Variants in NAALADL2 observed in about 807,000 individuals in gnomAD.
The protein encoded by NAALADL2 is N-acetylated alpha-linked acidic dipeptidase like 2.
NAALADL2 carries 76 observed loss-of-function variants against 87.2 expected under a neutral mutation model. That is an observed-to-expected ratio of 0.87 (90% CI 0.72 to 1.05). NAALADL2 has a LOEUF of 1.05. NAALADL2 is among the 50% of genes least tolerant of loss of function. NAALADL2 has a pLI of 0.00. For synonymous variants in NAALADL2, 354 were observed against 331.0 expected (o/e 1.07, Z -0.75); for missense variants, 1,089 against 945.8 (o/e 1.15, Z -1.99).
intron 13 of NAALADL2, among the ~76,000 whole-genome samples, chr3:175,780,376 A>AGTAT (rs1750882675): frequency 6.6e-6 from 1 of 152,138 alleles, no homozygotes; most frequent in Admixed American, 6.5e-5. Context: ...ACACACAAAC[A>AGTAT]GTATGTGTAT....
chr3:174,468,506 A>T (rs1577973153), intron 1 of NAALADL2, among the ~76,000 whole-genome samples: 1 of 148,946 alleles, frequency 6.7e-6, no homozygotes, highest in East Asian at 2.0e-4. Flanking sequence ...CCAGCCTCCC[A>T]AGTAGCTGGG....
At chr3:174,992,910 G>A (rs6806492) in intron 1 of NAALADL2, among the ~76,000 whole-genome samples, 39,133 of 151,956 alleles carry the variant, frequency 0.26, 6,070 homozygotes, top group African/African-American at 0.43. Context: ...TAGAGAAGCA[G>A]TAAATGAACC....
intron 3 of NAALADL2, among the ~76,000 whole-genome samples, chr3:174,826,015 G>A (rs1268132969): frequency 6.6e-6 from 1 of 150,700 alleles, no homozygotes; most frequent in Non-Finnish European, 1.5e-5. Context: ...CAGACAGAGC[G>A]AGACTCCATC....
At chr3:174,472,445 G>C (rs1177707715) in intron 1 of NAALADL2, among the ~76,000 whole-genome samples, 1 of 152,196 alleles carries the variant, frequency 6.6e-6, no homozygotes, top group South Asian at 2.1e-4. Context: ...ATGAGTGTGA[G>C]TGTATGTGTG....
chr3:175,364,618 C>T (rs909277794), intron 5 of NAALADL2, among the ~76,000 whole-genome samples: 1 of 147,768 alleles, frequency 6.8e-6, no homozygotes, highest in African/African-American at 2.5e-5. Context: ...GAGACCCAAG[C>T]TTGATGTTCC....
At chr3:175,182,707 T>C (rs928516731) in intron 2 of NAALADL2, among the ~76,000 whole-genome samples, 21 of 151,758 alleles carry the variant, frequency 1.4e-4, no homozygotes, top group African/African-American at 4.8e-4. Context: ...AAAGGGTTTT[T>C]TGTGTTTGTT....
intron 10 of NAALADL2, among the ~76,000 whole-genome samples, chr3:175,619,425 C>T (rs936758652): frequency 1.3e-5 from 2 of 151,048 alleles, no homozygotes; most frequent in Non-Finnish European, 2.9e-5. Flanking sequence ...GCATAGAAAA[C>T]CTTCTTCTAG....
At chr3:174,668,216 A>G (rs1043409724) in intron 2 of NAALADL2, among the ~76,000 whole-genome samples, 2 of 151,942 alleles carry the variant, frequency 1.3e-5, no homozygotes, top group African/African-American at 4.8e-5. Context: ...TACTTTTTGT[A>G]GTTGTTGAGT....
At chr3:174,579,752 T>C (rs1256197682) in intron 2 of NAALADL2, among the ~76,000 whole-genome samples, 2 of 152,198 alleles carry the variant, frequency 1.3e-5, no homozygotes, top group South Asian at 2.1e-4. Context: ...AGCACCCTTC[T>C]AGATATGGCA....
rs1379957433 is a variant in NAALADL2 at position 174,493,839 on chromosome 3, C to T, written c.-184+52807C>T. 2.0e-5 allele frequency among the ~76,000 whole-genome samples: 3 copies of T among 152,062 alleles called. No individual in the cohort carries two copies. The East Asian group carries it at 5.8e-4, about 29-fold the overall frequency. On this transcript the variant is annotated intron_variant, in intron 1 of 3. Transcript: ENST00000434257. ...AAATAAATTTAATGTAGTCTATGCCCTTGAAGAGATCAGATTCTAATGATA... is the reference window on the plus strand; with the variant it reads ...AAATAAATTTAATGTAGTCTATGCCTTTGAAGAGATCAGATTCTAATGATA...
chr3:175,275,964 C>T (rs1456956189), intron 4 of NAALADL2, among the ~76,000 whole-genome samples: 2 of 151,478 alleles, frequency 1.3e-5, no homozygotes, highest in Non-Finnish European at 1.5e-5. Context: ...CACCATGGCA[C>T]TTTCATCATA....
chr3:175,151,120 T>G (rs1014364002), intron 2 of NAALADL2, among the ~76,000 whole-genome samples: 3 of 152,220 alleles, frequency 2.0e-5, no homozygotes, highest in African/African-American at 7.2e-5. Context: ...ACTCCACCCA[T>G]GAGACTGAGC....
intron 1 of NAALADL2, among the ~76,000 whole-genome samples, chr3:175,090,300 A>G (rs1389562147): frequency 1.3e-5 from 2 of 152,032 alleles, no homozygotes; most frequent in Non-Finnish European, 2.9e-5. Context: ...CAGGACACCC[A>G]TAAAATTTAT....
chr3:175,651,827 C>T (rs1345952530), intron 11 of NAALADL2, among the ~76,000 whole-genome samples: 1 of 152,184 alleles, frequency 6.6e-6, no homozygotes, highest in Non-Finnish European at 1.5e-5. Context: ...TGTTACTGCA[C>T]AACCAATGTG....
intron 1 of NAALADL2, among the ~76,000 whole-genome samples, chr3:174,544,430 A>G (rs1722538342): frequency 6.6e-6 from 1 of 152,132 alleles, no homozygotes; most frequent in African/African-American, 2.4e-5. Context: ...ATACATTAAA[A>G]AAGTCCTAGA....
chr3:175,241,532 C>G (rs557145369), intron 3 of NAALADL2, among the ~76,000 whole-genome samples: 2 of 152,094 alleles, frequency 1.3e-5, no homozygotes, highest in South Asian at 2.1e-4. Context: ...TTAATTACTT[C>G]TTTCATATTT....
intron 1 of NAALADL2, among the ~76,000 whole-genome samples, chr3:174,878,005 T>C (rs1728717763): frequency 6.6e-6 from 1 of 152,024 alleles, no homozygotes; most frequent in Non-Finnish European, 1.5e-5. Context: ...ACTTAAATAT[T>C]AGCTTTCTAT....
At chr3:175,522,642 C>T (rs566673969) in intron 9 of NAALADL2, among the ~76,000 whole-genome samples, 1 of 152,314 alleles carries the variant, frequency 6.6e-6, no homozygotes, top group South Asian at 2.1e-4. Flanking sequence ...CTAACTACAA[C>T]AGCCTTTGTT....
intron 2 of NAALADL2, among the ~76,000 whole-genome samples, chr3:174,653,866 T>C (rs1473467109): frequency 1.3e-5 from 2 of 152,170 alleles, no homozygotes; most frequent in African/African-American, 2.4e-5. Context: ...CATGTTATTC[T>C]TCTTTCCAAG....
Sources: gnomAD v4.1 joint callset for allele counts (sites outside exome capture counted in the v4.1 genomes callset) on GRCh38, gnomAD v4.1.1 for gene constraint, MANE v1.5 for transcripts, NCBI Gene and HGNC (gene_info 2026-07-23, HGNC 2026-07-21) for gene names.